Variants in KLHL26 observed in about 807,000 individuals in gnomAD.
KLHL26 encodes the protein kelch like family member 26.
In KLHL26, 4 loss-of-function variants were observed where a neutral mutation model predicts 7.1. The observed-to-expected ratio is 0.56, with a 90% CI of 0.28 to 1.28. The LOEUF (loss-of-function observed/expected upper bound fraction) is 1.28. Among genes scored for constraint, KLHL26 ranks in the 50% most tolerant of loss-of-function variants. KLHL26 has a pLI of 0.11. For synonymous variants in KLHL26, 465 were observed against 414.1 expected (o/e 1.12, Z -1.49); for missense variants, 896 against 924.6 (o/e 0.97, Z 0.40).
intron 1 of KLHL26, among the ~76,000 whole-genome samples, chr19:18,652,171 C>T (rs2052266069): frequency 6.6e-6 from 1 of 152,096 alleles, no homozygotes; most frequent in South Asian, 2.1e-4. Flanking sequence ...AGCAAAGGTC[C>T]AGAGACAGGA....
chr19:18,670,058 G>A lies in KLHL26; in HGVS notation c.*813G>A, dbSNP rs1475161137. 6.6e-6 allele frequency: 1 copy of A among 152,252 alleles called. No homozygotes were observed. Among genetic ancestry groups the A allele is most frequent in the Admixed American group, 6.5e-5 (1 of 15,280 alleles). The allele number at this position is 152,252 out of a possible 1,614,324, so 9.4% of individuals were successfully genotyped here. On this transcript the variant is annotated 3_prime_UTR_variant, in exon 3 of 3. Coordinates refer to ENST00000300976, the MANE Select transcript of KLHL26 (RefSeq NM_018316.3). ...GCAGTCCCCTTCCCGCAATTGGAGG[G>A]CGACGCTAACTTCAGAATCCCATAG...
In KLHL26 at chr19:18,650,849, C is replaced by A. The variant is rs994107462; in HGVS notation, c.84-13412C>A. 6.6e-5 allele frequency among the ~76,000 whole-genome samples: 10 copies of A among 152,286 alleles called. No homozygotes were observed. The Middle Eastern group carries it at 0.01, about 155-fold the overall frequency. ...GCGGGGCTGCGGCTGGGGATGGCCG[C>A]CGCCCACTCGCCCTCAGAATGGCCC... is the stretch of plus-strand genomic sequence containing the variant. On this transcript the variant is annotated intron_variant, in intron 1 of 2. Transcript: ENST00000300976. This position sits in a 1 kb window ranked among gnomAD's most constrained non-coding sequence, Gnocchi z 4.2.
intron 1 of KLHL26, among the ~76,000 whole-genome samples, chr19:18,645,393 A>G (rs1976784228): frequency 6.6e-6 from 1 of 152,020 alleles, no homozygotes; most frequent in African/African-American, 2.4e-5. Context: ...TTTGGCATCC[A>G]CGCTTTTTGG....
At chr19:18,664,586 CTTTTT>C in intron 2 of KLHL26, 143 bp downstream of exon 2, 1 of 468,592 alleles carries the variant, frequency 2.1e-6, no homozygotes, top group Non-Finnish European at 3.6e-6. Context: ...ACCGGCTGCT[CTTTTT>C]TTTTTTTTGA....
At chr19:18,645,885 A>G (rs1976793509) in intron 1 of KLHL26, among the ~76,000 whole-genome samples, 1 of 151,308 alleles carries the variant, frequency 6.6e-6, no homozygotes, top group South Asian at 2.1e-4. Flanking sequence ...AAGTGTTTGC[A>G]TGGAAAGTTG....
chr19:18,651,392 CTG>C (rs1235841969), intron 1 of KLHL26, among the ~76,000 whole-genome samples: 1 of 152,218 alleles, frequency 6.6e-6, no homozygotes, highest in Non-Finnish European at 1.5e-5. Context: ...TCTGTCCAGT[CTG>C]TGTCACATCC....
At chr19:18,639,794 G>A in intron 1 of KLHL26, among the ~76,000 whole-genome samples, 1 of 151,988 alleles carries the variant, frequency 6.6e-6, no homozygotes, top group Non-Finnish European at 1.5e-5. Context: ...TCACCCCAAA[G>A]AGTTCCCCCA....
Position 18,659,393 on chromosome 19 carries a change from C to T in KLHL26, c.84-4868C>T, listed in dbSNP as rs572920417. On this transcript the variant is annotated intron_variant, in intron 1 of 2. Transcript: ENST00000300976. Reference sequence around the variant, plus strand: ...GACCCTGGGGCGGCATCGCATCAGCCGGGGTGGGAGCCAACCAGCTGTGCT... The same window carrying T: ...GACCCTGGGGCGGCATCGCATCAGCTGGGGTGGGAGCCAACCAGCTGTGCT... Among the ~76,000 whole-genome samples, 19 of 152,340 alleles carry T rather than the reference C, an allele frequency of 1.2e-4. No individual in the cohort carries two copies. The East Asian group carries it at 3.1e-3, about 25-fold the overall frequency.
In KLHL26 at chr19:18,669,476, G is replaced by T; in HGVS notation, c.*231G>T. ...CTGCCGGCAAAGCGTCTGACATGTG[G>T]TGGCAGCAAATTCGTCCCCGGGGTG... On this transcript the variant is annotated 3_prime_UTR_variant, in exon 3 of 3. Coordinates refer to ENST00000300976, the MANE Select transcript of KLHL26 (RefSeq NM_018316.3). The T allele has an allele frequency of 1.7e-6, 1 of 575,692 alleles. No individual in the cohort carries two copies. The highest frequency in any genetic ancestry group is 3.1e-6 in the Non-Finnish European group (1 of 326,560). 35.7% of individuals were successfully genotyped at this position (575,692 alleles called of 1,614,324 possible). A position where few individuals can be genotyped will look rare whatever the true frequency, so the allele number is the denominator to read the frequency against.
chr19:18,645,964 C>G (rs192223410), intron 1 of KLHL26, among the ~76,000 whole-genome samples: 2 of 152,182 alleles, frequency 1.3e-5, no homozygotes, highest in African/African-American at 4.8e-5. Context: ...CCTGTTGAAG[C>G]TTTCTCCACA....
Position 18,646,957 on chromosome 19 carries a change from G to A in KLHL26, c.83+9820G>A, listed in dbSNP as rs1007869694. Reference sequence around the variant, plus strand: ...CCTGGGAGCAGGAGCTCGGCAGGGCGGGGGCAGGGGCGGCGGGGGGTGGCG... The same window carrying A: ...CCTGGGAGCAGGAGCTCGGCAGGGCAGGGGCAGGGGCGGCGGGGGGTGGCG... On this transcript the variant is annotated intron_variant, in intron 1 of 2. Coordinates refer to ENST00000300976, the MANE Select transcript of KLHL26 (RefSeq NM_018316.3). The surrounding 1 kb of genome is among the most constrained non-coding windows in gnomAD (Gnocchi z 5.0). 4.6e-5 allele frequency among the ~76,000 whole-genome samples: 7 copies of A among 152,202 alleles called. No individual in the cohort carries two copies. The highest frequency in any genetic ancestry group is 3.9e-4 in the Admixed American group (6 of 15,296).
At position 18,649,215 on chromosome 19, in the gene KLHL26, C is replaced by A. The variant is rs907538581; in HGVS notation, c.83+12078C>A. Among the ~76,000 whole-genome samples, 1 of 152,188 alleles carries A rather than the reference C, an allele frequency of 6.6e-6. No individual in the cohort carries two copies. Among genetic ancestry groups the A allele is most frequent in the African/African-American group, 2.4e-5 (1 of 41,436 alleles). ...AGGACCCATGTCCCTGTAGAATGTA[C>A]GTTCCCCAAGGGCAGGGCTTTATCA... On this transcript the variant is annotated intron_variant, in intron 1 of 2. Coordinates refer to ENST00000300976, the MANE Select transcript of KLHL26 (RefSeq NM_018316.3). The surrounding 1 kb of genome is among the most constrained non-coding windows in gnomAD (Gnocchi z 4.0).
rs1394824041 is a variant in KLHL26, at chr19:18,667,964, C to G, written c.567C>G (p.Phe189Leu). 1.2e-6 allele frequency: 2 copies of G among 1,609,150 alleles called. No homozygotes were observed. Among genetic ancestry groups the G allele is most frequent in the Non-Finnish European group, 1.7e-6 (2 of 1,179,972 alleles). The change falls in exon 3 of 3, where the codon TTC becomes TTG. Residue 189 changes from phenylalanine (F) to leucine (L), a missense_variant. Transcript: ENST00000300976. ...GAGAGTCGGTGGATGCCTTCACCTT[C>G]CGGCACTTCCTGCAGATCGCCGAGG... ...SLRESVDAFT[F>L]RHFLQIAEEE...
rs1429477894 is a variant in KLHL26, at chr19:18,668,551, G to A, written c.1154G>A (p.Arg385His). ...GAGGGCGCAGTGGACGCCTGCTACC[G>A]CTACGACCCCCACCTGAATCGCTGG... ...SGEGAVDACY[R>H]YDPHLNRWLR... Residue 385 changes from arginine (R) to histidine (H), a missense_variant, in exon 3 of 3, where the codon CGC becomes CAC. Transcript: ENST00000300976. 1 of 1,594,066 alleles carries A rather than the reference G, an allele frequency of 6.3e-7. No homozygotes were observed. The highest frequency in any genetic ancestry group is 8.5e-7 in the Non-Finnish European group (1 of 1,174,150).
Position 18,656,548 on chromosome 19 carries a change from A to G in KLHL26, c.84-7713A>G, listed in dbSNP as rs930912018. 6.6e-6 allele frequency among the ~76,000 whole-genome samples: 1 copy of G among 152,142 alleles called. No individual in the cohort carries two copies. The highest frequency in any genetic ancestry group is 1.5e-5 in the Non-Finnish European group (1 of 68,024). ...AGGCACAGACAGGCTGAAGCCAAGG[A>G]CAGACAGGCAGGGAATGGCTCCAGA... On this transcript the variant is annotated intron_variant, in intron 1 of 2. Transcript: ENST00000300976. The surrounding 1 kb of genome is among the most constrained non-coding windows in gnomAD (Gnocchi z 4.4).
chr19:18,660,646 C>T (rs2052383330), intron 1 of KLHL26, among the ~76,000 whole-genome samples: 1 of 152,222 alleles, frequency 6.6e-6, no homozygotes, highest in African/African-American at 2.4e-5. Flanking sequence ...CTGCCCACCT[C>T]CGCCCAGGCT....
At chr19:18,647,459 TTG>T (rs145913221) in intron 1 of KLHL26, among the ~76,000 whole-genome samples, 4 of 151,550 alleles carry the variant, frequency 2.6e-5, no homozygotes, top group African/African-American at 2.4e-5. Flanking sequence ...TTTCTGATAT[TTG>T]TGTGTGTGTG....
chr19:18,637,216 G>A (rs1976635096), intron 1 of KLHL26, 79 bp downstream of exon 1: 1 of 1,229,542 alleles, frequency 8.1e-7, no homozygotes, highest in East Asian at 3.2e-5. Context: ...GCGTCCTGAG[G>A]GGTTGAGGGG....
chr19:18,659,449 C>G (rs982989515), intron 1 of KLHL26, among the ~76,000 whole-genome samples: 2 of 152,186 alleles, frequency 1.3e-5, no homozygotes, highest in Middle Eastern at 6.3e-3. Context: ...GCCACATGGA[C>G]AATAAAACCA....
Sources: allele counts gnomAD v4.1 joint callset (sites outside exome capture counted in the v4.1 genomes callset), GRCh38; gene constraint gnomAD v4.1.1; non-coding constraint Gnocchi (gnomAD v3.1); transcripts MANE v1.5; gene names NCBI Gene and HGNC (gene_info 2026-07-23, HGNC 2026-07-21).